Variants in IL6ST observed in about 807,000 individuals in gnomAD.
IL6ST encodes the protein interleukin 6 cytokine family signal transducer.
Under a neutral mutation model 91.3 loss-of-function variants are expected in IL6ST, and 24 were observed. The observed-to-expected ratio is 0.26, with a 90% CI of 0.19 to 0.37. The LOEUF is 0.37. Ranked by LOEUF, IL6ST falls within the 10% of genes least tolerant of loss-of-function variation. The pLI, the probability that IL6ST is intolerant of heterozygous loss-of-function variation, is 1.00. For missense variants in IL6ST, 914 were observed against 1,078.5 expected, an observed-to-expected ratio of 0.85 and a Z score of 2.14; for synonymous variants, 351 against 373.6, an observed-to-expected ratio of 0.94 and a Z score of 0.70.
At chr5:55,991,269 A>G (rs1020976277) in intron 1 of IL6ST, among the ~76,000 whole-genome samples, 2 of 152,182 alleles carry the variant, frequency 1.3e-5, no homozygotes, top group Non-Finnish European at 2.9e-5. Flanking sequence ...TAATGGGATG[A>G]ATGCCCACAC....
intron 8 of IL6ST, among the ~76,000 whole-genome samples, chr5:55,957,838 T>C (rs569176912): frequency 5.3e-5 from 8 of 152,184 alleles, no homozygotes; most frequent in African/African-American, 1.7e-4. Flanking sequence ...AAAAAAACTT[T>C]TTAAAATAAA....
chr5:55,987,146 CAG>C (rs745884444), intron 1 of IL6ST, among the ~76,000 whole-genome samples: 1 of 152,202 alleles, frequency 6.6e-6, no homozygotes, highest in Non-Finnish European at 1.5e-5. Context: ...GCCTGGGTGA[CAG>C]AGTGAGACTG....
chr5:55,942,569 G>T, intron 16 of IL6ST, 101 bp downstream of exon 16: 1 of 546,236 alleles, frequency 1.8e-6, no homozygotes, highest in South Asian at 3.0e-5. Context: ...TTATCTTTTG[G>T]TACATTTGTA....
chr5:55,956,302 C>A, intron 9 of IL6ST, 67 bp from the exon 10 acceptor site: 1 of 892,956 alleles, frequency 1.1e-6, no homozygotes, highest in South Asian at 1.6e-5. Context: ...AGTTTTTCTT[C>A]ATATTCACAA....
Position 55,960,515 on chromosome 5 carries a change from T to C in IL6ST, c.860A>G (p.Gln287Arg). The change falls in exon 8 of 17, where the codon CAA becomes CGA. Residue 287 changes from glutamine to arginine, a missense_variant. By Grantham distance (43) the Gln-to-Arg change is conservative. Coordinates refer to ENST00000381298, the MANE Select transcript of IL6ST (RefSeq NM_002184.4). ...ATATTCTGTAAAAGGTTTAAGGTCT[T>C]GGACAGTGAATGAAGATCGGGTGGA... ...TASTRSSFTV[Q>R]DLKPFTEYVF... 1.2e-6 allele frequency: 2 copies of C among 1,614,154 alleles called. No homozygotes were observed. The highest frequency in any genetic ancestry group is 1.7e-6 in the Non-Finnish European group (2 of 1,179,966).
chr5:55,946,252 T>TG (rs1751244207), intron 15 of IL6ST, among the ~76,000 whole-genome samples: 1 of 152,216 alleles, frequency 6.6e-6, no homozygotes, highest in African/African-American at 2.4e-5. Context: ...TATGGAACAC[T>TG]GCTGGAGGCA....
rs2111597585 is a variant in IL6ST at position 55,942,768 on chromosome 5, A to G, written c.1938-17T>C. The G allele has an allele frequency of 7.0e-7, 1 of 1,438,448 alleles. No homozygotes were observed. Among genetic ancestry groups the G allele is most frequent in the Non-Finnish European group, 9.8e-7 (1 of 1,022,940 alleles). The allele number at this position is 1,438,448 out of a possible 1,614,324, so 89.1% of individuals were successfully genotyped here. On this transcript the variant is annotated splice_polypyrimidine_tract_variant and intron_variant, in intron 15 of 16. Transcript: ENST00000381298. The stretch of plus-strand genomic sequence containing the variant: ...TTTTTAATTCTGAAGAGAAAAGAAA[A>G]ATGGCCTATGTAAAACCACACATAA...
chr5:55,946,856 G>A (rs188182754), intron 15 of IL6ST, among the ~76,000 whole-genome samples: 1 of 151,658 alleles, frequency 6.6e-6, no homozygotes, highest in African/African-American at 2.4e-5. Flanking sequence ...CATCATGGAT[G>A]AATCTCAAAA....
At chr5:55,945,080 G>A (rs568943455) in intron 15 of IL6ST, among the ~76,000 whole-genome samples, 37 of 141,456 alleles carry the variant, frequency 2.6e-4, no homozygotes, top group African/African-American at 9.2e-4. Flanking sequence ...CTCTCCTATA[G>A]ATTCAATTAA....
rs76753194 is a variant in IL6ST at position 55,993,119 on chromosome 5, T to C, written c.-104+1665A>G. 3.1e-3 allele frequency among the ~76,000 whole-genome samples: 469 copies of C among 152,330 alleles called. 2 individuals are homozygous for C. Among genetic ancestry groups the C allele is most frequent in the African/African-American group, 0.011 (448 of 41,574 alleles). On this transcript the variant is annotated intron_variant, in intron 1 of 16. Coordinates refer to ENST00000381298, the MANE Select transcript of IL6ST (RefSeq NM_002184.4). ...TCTAGGAGCCAAGCTGCAAATGTAT[T>C]AGGGCCAGAGAATTCTGACTCCCAT...
At chr5:55,964,109 G>A (rs1424776107) in intron 6 of IL6ST, 37 bp downstream of exon 6, 1 of 1,122,200 alleles carries the variant, frequency 8.9e-7, no homozygotes. Context: ...AACGACTACA[G>A]TGTCAAATAA....
At chr5:55,948,032 T>C (rs1366148522) in intron 14 of IL6ST, among the ~76,000 whole-genome samples, 2 of 152,154 alleles carry the variant, frequency 1.3e-5, no homozygotes, top group African/African-American at 4.8e-5. Flanking sequence ...TATAAAAACA[T>C]AATTGAACTA....
At chr5:55,981,753 T>A (rs1753687524) in intron 2 of IL6ST, among the ~76,000 whole-genome samples, 2 of 152,250 alleles carry the variant, frequency 1.3e-5, no homozygotes, top group Non-Finnish European at 2.9e-5. Context: ...ATAGCACTAT[T>A]ACCTCACCTC....
chr5:55,975,723 C>T (rs1753249835), intron 3 of IL6ST, among the ~76,000 whole-genome samples: 2 of 152,056 alleles, frequency 1.3e-5, no homozygotes, highest in South Asian at 4.1e-4. Context: ...GTAGGGTAAT[C>T]AGCATGCACA....
At chr5:55,994,367 T>C (rs1285015882) in intron 1 of IL6ST, among the ~76,000 whole-genome samples, 1 of 151,948 alleles carries the variant, frequency 6.6e-6, no homozygotes, top group Non-Finnish European at 1.5e-5. Flanking sequence ...GATTTCAAGA[T>C]GAAAAAACGG....
rs1479771351 is a variant in IL6ST, at chr5:55,939,936, T to A, written c.*1146A>T. 3 of 205,146 alleles carry A rather than the reference T, an allele frequency of 1.5e-5. No homozygotes were observed. Among genetic ancestry groups the A allele is most frequent in the African/African-American group, 6.8e-5 (3 of 43,828 alleles). 12.7% of individuals were successfully genotyped at this position (205,146 alleles called of 1,614,324 possible). ...GATGTACATTTTTTGGGGTTCTGTTTTGTTTTGGCAAATATTGCCCAAGTT... is the reference window on the plus strand; with the variant it reads ...GATGTACATTTTTTGGGGTTCTGTTATGTTTTGGCAAATATTGCCCAAGTT... On this transcript the variant is annotated 3_prime_UTR_variant, in exon 17 of 17. Transcript: ENST00000381298.
chr5:55,969,716 T>C lies in IL6ST; in HGVS notation c.204A>G (p.Lys68=). 1.2e-6 allele frequency: 2 copies of C among 1,613,046 alleles called. No homozygotes were observed. The highest frequency in any genetic ancestry group is 2.2e-5 in the South Asian group (2 of 91,064). The change falls in exon 4 of 17, where the codon AAA becomes AAG. Residue 68 remains lysine, a synonymous_variant. Coordinates refer to ENST00000381298, the MANE Select transcript of IL6ST (RefSeq NM_002184.4). ...FHVNANYIVW[K]TNHFTIPKEQ... Reference sequence around the variant, plus strand: ...CCTTAGGAATAGTAAAATGGTTTGTTTTCCAGACAATGTAATTAGCATTTA... The same window carrying C: ...CCTTAGGAATAGTAAAATGGTTTGTCTTCCAGACAATGTAATTAGCATTTA...
chr5:55,963,574 C>T, intron 6 of IL6ST, 68 bp from the exon 7 acceptor site: 1 of 1,072,422 alleles, frequency 9.3e-7, no homozygotes, highest in African/African-American at 1.6e-5. Flanking sequence ...CAAATATACT[C>T]TTTATATTGT....
At chr5:55,983,296 GATT>G (rs1299992937) in intron 1 of IL6ST, among the ~76,000 whole-genome samples, 3 of 152,126 alleles carry the variant, frequency 2.0e-5, no homozygotes, top group African/African-American at 7.2e-5. Context: ...CTAGTGCTAT[GATT>G]TGATATACGC....
Sources: gnomAD v4.1 joint callset for allele counts (sites outside exome capture counted in the v4.1 genomes callset) on GRCh38, gnomAD v4.1.1 for gene constraint, MANE v1.5 for transcripts, NCBI Gene and HGNC (gene_info 2026-07-23, HGNC 2026-07-21) for gene names.